Variants in DNAH5 observed in about 807,000 individuals in gnomAD.
DNAH5 encodes the protein axonemal beta dynein heavy chain 5.
DNAH5 carries 372 observed loss-of-function variants against 518.2 expected under a neutral mutation model. The ratio of observed to expected loss-of-function variants is 0.72; its 90% CI spans 0.66 to 0.78. DNAH5 has a LOEUF of 0.78. Among genes scored for constraint, DNAH5 ranks in the 30% least tolerant of loss-of-function variants. The pLI is 0.00. For synonymous variants in DNAH5, 2,039 were observed against 2,025.9 expected, an observed-to-expected ratio of 1.01 and a Z score of -0.17; for missense variants, 5,523 against 5,687.0, an observed-to-expected ratio of 0.97 and a Z score of 0.93.
intron 21 of DNAH5, among the ~76,000 whole-genome samples, chr5:13,880,220 G>A (rs7443629): frequency 0.014 from 2,102 of 152,194 alleles, 49 homozygotes; most frequent in African/African-American, 0.046. Context: ...CAAAAACAAA[G>A]GGATGGTATA....
intron 1 of DNAH5, among the ~76,000 whole-genome samples, chr5:13,957,903 T>C (rs935067164): frequency 6.6e-6 from 1 of 151,688 alleles, no homozygotes; most frequent in African/African-American, 2.4e-5. Flanking sequence ...ACATATATTC[T>C]TCTACTCCAT....
In DNAH5 at chr5:13,692,170, A is replaced by T. The variant is rs2166337; in HGVS notation, c.13724-35T>A. 875,963 of 1,611,270 alleles carry T rather than the reference A, an allele frequency of 0.54. 239,576 individuals carry two copies. The highest frequency in any genetic ancestry group is 0.56 in the African/African-American group (41,866 of 74,848). ...ACATAAAAGAAAAGAACTTGGTGAA[A>T]TTTCCACTTTAGAGCCCAAGGAGAA... On this transcript the variant is annotated intron_variant, in intron 78 of 78. Transcript: ENST00000265104.
intron 68 of DNAH5, among the ~76,000 whole-genome samples, chr5:13,733,337 G>T (rs772841422): frequency 3.9e-5 from 6 of 152,152 alleles, no homozygotes; most frequent in East Asian, 1.9e-4. Flanking sequence ...ATTTCAACAA[G>T]AGCTGGACAC....
At chr5:13,853,362 G>A (rs770951536) in intron 30 of DNAH5, among the ~76,000 whole-genome samples, 2 of 152,098 alleles carry the variant, frequency 1.3e-5, no homozygotes, top group Admixed American at 6.5e-5. Flanking sequence ...AACTCCATCC[G>A]AAGGTCACCA....
chr5:13,962,371 A>C (rs1196461883), intron 1 of DNAH5, among the ~76,000 whole-genome samples: 1 of 152,234 alleles, frequency 6.6e-6, no homozygotes, highest in Admixed American at 6.5e-5. Context: ...GAAAACAATA[A>C]GTTTCTCATA....
rs1554058577 is a variant in DNAH5 at position 13,810,077 on chromosome 5, AGTCGAAGGCGGT to A, written c.7579_7590del (p.Thr2527_Asp2530del). ...TCCTCACCATCGGGCGCCACATAGT[AGTCGAAGGCGGT>A]GTCCCCGGGCCCCGCTGGCGGCGGC... On this transcript the variant is annotated inframe_deletion, in exon 45 of 79. Coordinates refer to ENST00000265104, the MANE Select transcript of DNAH5 (RefSeq NM_001369.3). 6.4e-7 allele frequency: 1 copy of A among 1,552,700 alleles called. No homozygotes were observed. The highest frequency in any genetic ancestry group is 2.4e-5 in the East Asian group (1 of 41,216).
In DNAH5 at chr5:13,769,152, G is replaced by A; in HGVS notation, c.9721-16C>T. ...CTTTTAAGACCTAATTCAATATAAA[G>A]CAAGCAATACTTCACCAAACAGTAT... On this transcript the variant is annotated splice_polypyrimidine_tract_variant and intron_variant, in intron 57 of 78. Coordinates refer to ENST00000265104, the MANE Select transcript of DNAH5 (RefSeq NM_001369.3). 6.2e-7 allele frequency: 1 copy of A among 1,613,044 alleles called. No individual in the cohort carries two copies.
At chr5:13,769,173 A>G (rs1367479444) in intron 57 of DNAH5, 37 bp from the exon 58 acceptor site, 1 of 1,602,266 alleles carries the variant, frequency 6.2e-7, no homozygotes, top group Non-Finnish European at 8.5e-7. Context: ...TTCACCAAAC[A>G]GTATTAAACA....
At chr5:13,957,898 T>C (rs1253992902) in intron 1 of DNAH5, among the ~76,000 whole-genome samples, 2 of 151,652 alleles carry the variant, frequency 1.3e-5, no homozygotes, top group African/African-American at 2.4e-5. Flanking sequence ...TATTAACATA[T>C]ATTCTTCTAC....
intron 1 of DNAH5, among the ~76,000 whole-genome samples, chr5:13,951,198 T>A (rs10474999): frequency 7.9e-6 from 1 of 126,728 alleles, no homozygotes; most frequent in Admixed American, 8.5e-5. Flanking sequence ...GTTTTTTTTT[T>A]GTTTTTTTCG....
chr5:13,949,286 C>A (rs373959043), upstream of DNAH5, among the ~76,000 whole-genome samples: 1 of 152,178 alleles, frequency 6.6e-6, no homozygotes, highest in African/African-American at 2.4e-5. Flanking sequence ...AGACAATAAA[C>A]ATCCAGTATC....
chr5:13,930,016 G>C (rs755388724), intron 2 of DNAH5, among the ~76,000 whole-genome samples: 11 of 152,216 alleles, frequency 7.2e-5, no homozygotes, highest in Non-Finnish European at 1.5e-4. Context: ...ACTGAGAACA[G>C]GGACCGACAC....
At chr5:13,715,984 C>T (rs1744232624) in intron 74 of DNAH5, among the ~76,000 whole-genome samples, 1 of 152,292 alleles carries the variant, frequency 6.6e-6, no homozygotes, top group Middle Eastern at 3.4e-3. Context: ...GGTTGAGAAA[C>T]CCTGTCCTAG....
chr5:13,909,746 T>G (rs151068386), intron 12 of DNAH5, among the ~76,000 whole-genome samples: 2 of 151,788 alleles, frequency 1.3e-5, no homozygotes, highest in African/African-American at 2.4e-5. Context: ...TCTGTTCTAA[T>G]GTATGTGCTT....
Position 13,754,276 on chromosome 5 carries a change from A to T in DNAH5, c.10482T>A (p.Ser3494Arg). The T allele has an allele frequency of 6.2e-7, 1 of 1,614,114 alleles. No homozygotes were observed. The highest frequency in any genetic ancestry group is 8.5e-7 in the Non-Finnish European group (1 of 1,179,990). Residue 3494 changes from serine to arginine, a missense_variant, in exon 62 of 79, where the codon AGT (serine) becomes AGA (arginine). By Grantham distance (110) the Ser-to-Arg change is moderately radical. Around this residue, in one of 3 missense-constraint regions of DNAH5, gnomAD observed 5,121 missense variants for 5,223.3 expected, o/e 0.98. Coordinates refer to ENST00000265104, the MANE Select transcript of DNAH5 (RefSeq NM_001369.3). ...ATCTTTCTTTTTCACCTGCCAAGCC[A>T]CTGATGAGCGTGGAAGCTGTCTGCA... ...HKMQTASTLI[S>R]GLAGEKERWT...
chr5:13,765,783 T>C (rs1752435393), intron 59 of DNAH5, among the ~76,000 whole-genome samples, 193 bp downstream of exon 59: 1 of 152,242 alleles, frequency 6.6e-6, no homozygotes. Context: ...ACACTGATGA[T>C]GCTTTAATAC....
Position 13,944,664 on chromosome 5 carries a change from C to A in DNAH5, c.-226G>T. The A allele has an allele frequency of 1.8e-6, 1 of 566,898 alleles. No individual in the cohort carries two copies. 35.1% of individuals were successfully genotyped at this position (566,898 alleles called of 1,614,324 possible). A position where few individuals can be genotyped will look rare whatever the true frequency, so the allele number is the denominator to read the frequency against. ...CTAGAGTGTCTGCCCTGGGCCTCTC[C>A]TCTCTCTCGAAGCCTGGTGTTGTTA... On this transcript the variant is annotated 5_prime_UTR_variant, in exon 1 of 79. The change creates a new upstream start codon in the 5' untranslated region. Transcript: ENST00000265104.
intron 1 of DNAH5, among the ~76,000 whole-genome samples, chr5:13,982,419 A>C (rs1285982771): frequency 7.9e-5 from 12 of 151,444 alleles, no homozygotes; most frequent in Middle Eastern, 3.4e-3. Flanking sequence ...CTATTGCATG[A>C]GTGAGTAGAC....
chr5:13,799,881 ATGTG>A (rs1222077710), intron 47 of DNAH5, among the ~76,000 whole-genome samples: 8 of 152,176 alleles, frequency 5.3e-5, no homozygotes, highest in African/African-American at 1.9e-4. Flanking sequence ...CTATGTATGT[ATGTG>A]TGTATTTATT....
Sources: allele counts gnomAD v4.1 joint callset (sites outside exome capture counted in the v4.1 genomes callset), GRCh38; gene constraint gnomAD v4.1.1; regional missense constraint gnomAD v4.1.1; transcripts MANE v1.5; gene names NCBI Gene and HGNC (gene_info 2026-07-23, HGNC 2026-07-21).